The following LRP1B variants were observed in gnomAD, a reference collection of about 807,000 sequenced individuals.
LRP1B encodes low-density lipoprotein receptor-related protein 1B.
LRP1B carries 217 observed loss-of-function variants against 556.6 expected under a neutral mutation model. The ratio of observed to expected loss-of-function variants is 0.39; its 90% CI spans 0.35 to 0.44. LRP1B has a LOEUF of 0.44. Among genes scored for constraint, LRP1B ranks in the 20% least tolerant of loss-of-function variants. The pLI is 1.00. For missense variants in LRP1B, 5,053 were observed against 5,620.8 expected, an observed-to-expected ratio of 0.90 and a Z score of 3.23; for synonymous variants, 2,047 against 1,865.8, an observed-to-expected ratio of 1.10 and a Z score of -2.50.
intron 35 of LRP1B, among the ~76,000 whole-genome samples, chr2:140,767,692 C>T (rs1689165457): frequency 6.6e-6 from 1 of 151,230 alleles, no homozygotes; most frequent in Non-Finnish European, 1.5e-5. Flanking sequence ...TACATGTGCA[C>T]ATTGTGCAGG....
intron 47 of LRP1B, among the ~76,000 whole-genome samples, chr2:140,528,452 G>A (rs72975805): frequency 4.6e-5 from 7 of 151,780 alleles, no homozygotes; most frequent in Non-Finnish European, 1.0e-4. Flanking sequence ...GAAGAAGTTC[G>A]CAGGACAGAA....
intron 31 of LRP1B, among the ~76,000 whole-genome samples, chr2:140,819,456 G>T (rs926751056): frequency 2.6e-5 from 4 of 151,786 alleles, no homozygotes; most frequent in Non-Finnish European, 1.5e-5. Context: ...TCCAACAAAA[G>T]GTAAGTATCA....
At chr2:140,939,796 T>C (rs1176892230) in intron 20 of LRP1B, among the ~76,000 whole-genome samples, 1 of 151,214 alleles carries the variant, frequency 6.6e-6, no homozygotes, top group African/African-American at 2.4e-5. Context: ...TGAGTTACTT[T>C]TAGTTGCAAT....
At chr2:141,112,851 A>C (rs1399628830) in intron 7 of LRP1B, among the ~76,000 whole-genome samples, 1 of 152,234 alleles carries the variant, frequency 6.6e-6, no homozygotes, top group Non-Finnish European at 1.5e-5. Flanking sequence ...ATCTAAATCC[A>C]ACAACATTAA....
At chr2:140,778,387 T>C (rs1689572189) in intron 32 of LRP1B, among the ~76,000 whole-genome samples, 1 of 152,196 alleles carries the variant, frequency 6.6e-6, no homozygotes, top group African/African-American at 2.4e-5. Context: ...AGCTTTCAAA[T>C]GAAGATTAGA....
At chr2:141,114,611 T>C (rs1700834403) in intron 7 of LRP1B, among the ~76,000 whole-genome samples, 1 of 152,136 alleles carries the variant, frequency 6.6e-6, no homozygotes, top group Non-Finnish European at 1.5e-5. Context: ...GGGGTTTATA[T>C]GAACAAAGGA....
chr2:140,424,473 AC>A (rs1489057433), intron 66 of LRP1B, among the ~76,000 whole-genome samples: 2 of 152,204 alleles, frequency 1.3e-5, no homozygotes, highest in Non-Finnish European at 2.9e-5. Context: ...AGTAAACCTC[AC>A]CATGCTTATA....
Position 140,951,881 on chromosome 2 carries a change from T to C in LRP1B, c.2947A>G (p.Ser983Gly). The change falls in exon 19 of 91, where the codon AGC (serine) becomes GGC (glycine). Residue 983 changes from serine (S) to glycine (G), a missense_variant. Coordinates refer to ENST00000389484, the MANE Select transcript of LRP1B (RefSeq NM_018557.3). Reference sequence around the variant, plus strand: ...TTGCCAGAGTCGCAGTGCCATTTGCTGCTAATGCATCTTCCACTTTTGCAT... The same window carrying C: ...TTGCCAGAGTCGCAGTGCCATTTGCCGCTAATGCATCTTCCACTTTTGCAT... ...FVCKSGRCIS[S>G]KWHCDSDDDC... 8.1e-6 allele frequency: 13 copies of C among 1,613,958 alleles called. No homozygotes were observed. Among genetic ancestry groups the C allele is most frequent in the Non-Finnish European group, 1.1e-5 (13 of 1,179,830 alleles).
chr2:141,486,052 T>C (rs1350221636), intron 2 of LRP1B, among the ~76,000 whole-genome samples: 1 of 152,120 alleles, frequency 6.6e-6, no homozygotes, highest in Non-Finnish European at 1.5e-5. Flanking sequence ...AGTATGGTAG[T>C]CCTCATGAGA....
intron 89 of LRP1B, among the ~76,000 whole-genome samples, chr2:140,236,574 T>C (rs552719376): frequency 6.6e-6 from 1 of 151,070 alleles, no homozygotes; most frequent in Admixed American, 6.6e-5. Context: ...CAACCTCAGC[T>C]TATAGTAATA....
chr2:141,726,303 G>A (rs1264786731), intron 2 of LRP1B, among the ~76,000 whole-genome samples: 4 of 150,860 alleles, frequency 2.7e-5, no homozygotes, highest in African/African-American at 9.7e-5. Context: ...TATAATCTCT[G>A]GGTAAGAGGT....
chr2:140,919,417 T>C (rs777319700), intron 21 of LRP1B, among the ~76,000 whole-genome samples: 21 of 152,108 alleles, frequency 1.4e-4, no homozygotes, highest in Non-Finnish European at 1.8e-4. Flanking sequence ...CCCATCTCTT[T>C]AGGCACATGA....
At chr2:142,089,902 T>C (rs565814981) in intron 1 of LRP1B, among the ~76,000 whole-genome samples, 3 of 152,342 alleles carry the variant, frequency 2.0e-5, no homozygotes, top group Admixed American at 1.3e-4. Flanking sequence ...CTTTTGATAT[T>C]ATCCAGTTTT....
At chr2:141,133,831 C>T (rs1246910098) in intron 7 of LRP1B, among the ~76,000 whole-genome samples, 2 of 151,718 alleles carry the variant, frequency 1.3e-5, no homozygotes, top group Non-Finnish European at 2.9e-5. Flanking sequence ...CTCATGATTG[C>T]CCCTGATTTT....
At chr2:141,371,555 A>G (rs72846093) in intron 3 of LRP1B, among the ~76,000 whole-genome samples, 28,060 of 151,944 alleles carry the variant, frequency 0.18, 3,475 homozygotes, top group East Asian at 0.48. Flanking sequence ...TTCTTTCTTC[A>G]GGGTTTTGTA....
At chr2:141,154,075 C>A (rs1702006561) in intron 7 of LRP1B, among the ~76,000 whole-genome samples, 1 of 151,604 alleles carries the variant, frequency 6.6e-6, no homozygotes, top group Admixed American at 6.6e-5. Flanking sequence ...TATGAGATGC[C>A]CTGGGCATAT....
chr2:141,949,931 C>T (rs567516085), intron 1 of LRP1B, among the ~76,000 whole-genome samples: 3 of 152,224 alleles, frequency 2.0e-5, no homozygotes, highest in East Asian at 3.9e-4. Flanking sequence ...ATGAACTAAT[C>T]ACTGTATACA....
chr2:141,085,893 C>A (rs754418599), intron 7 of LRP1B, among the ~76,000 whole-genome samples: 1 of 152,172 alleles, frequency 6.6e-6, no homozygotes. Flanking sequence ...CCATTCCTTG[C>A]AGACATTGAC....
At chr2:141,495,647 A>T (rs1040167889) in intron 2 of LRP1B, among the ~76,000 whole-genome samples, 1 of 152,120 alleles carries the variant, frequency 6.6e-6, no homozygotes, top group Admixed American at 6.6e-5. Flanking sequence ...TTGTCAATTC[A>T]ATACCTTTAC....
Sources: gnomAD v4.1 joint callset for allele counts (sites outside exome capture counted in the v4.1 genomes callset) on GRCh38, gnomAD v4.1.1 for gene constraint, MANE v1.5 for transcripts, NCBI Gene and HGNC (gene_info 2026-07-23, HGNC 2026-07-21) for gene names.